The following CEACAM1 variants were observed in gnomAD, a reference collection of about 807,000 sequenced individuals.
CEACAM1 encodes CEA cell adhesion molecule 1, also known as cell adhesion molecule CEACAM1.
CEACAM1 carries 31 observed loss-of-function variants against 49.1 expected under a neutral mutation model. The ratio of observed to expected loss-of-function variants is 0.63; its 90% CI spans 0.47 to 0.85. CEACAM1 has a LOEUF of 0.85. Among genes scored for constraint, CEACAM1 ranks in the 40% least tolerant of loss-of-function variants. The probability of loss-of-function intolerance (pLI) is 0.00; values close to 1 mark genes in which losing one functional copy is unlikely to be tolerated. For missense variants in CEACAM1, 570 were observed against 645.3 expected, an observed-to-expected ratio of 0.88 and a Z score of 1.26; for synonymous variants, 244 against 247.8, an observed-to-expected ratio of 0.98 and a Z score of 0.14.
intron 8 of CEACAM1, among the ~76,000 whole-genome samples, chr19:42,510,250 T>C (rs1407132848): frequency 6.6e-6 from 1 of 152,180 alleles, no homozygotes; most frequent in Non-Finnish European, 1.5e-5. Flanking sequence ...CACAGCTGGC[T>C]AATTTTTTTG....
Position 42,509,045 on chromosome 19 carries a change from C to A in CEACAM1, c.*64G>T. 1.2e-6 allele frequency: 2 copies of A among 1,603,306 alleles called. No homozygotes were observed. The highest frequency in any genetic ancestry group is 1.3e-5 in the African/African-American group (1 of 74,716). ...CTCTACCCCTACAGGGGAAAGGAAT[C>A]TCCTAGTGATGAGGGTGAGAGACTT... is the stretch of plus-strand genomic sequence containing the variant. On this transcript the variant is annotated 3_prime_UTR_variant, in exon 9 of 9. Transcript: ENST00000161559.
intron 5 of CEACAM1, chr19:42,514,951 G>T (rs1034550689): frequency 2.7e-5 from 17 of 634,022 alleles, no homozygotes; most frequent in Non-Finnish European, 4.5e-5. Context: ...TTTGCTGAAG[G>T]TTTATTATTA....
chr19:42,511,049 G>T, intron 7 of CEACAM1, 129 bp from the exon 8 acceptor site: 1 of 826,382 alleles, frequency 1.2e-6, no homozygotes, highest in Non-Finnish European at 2.0e-6. Flanking sequence ...ACTTCCCTCA[G>T]AGTGTATGGT....
At chr19:42,518,848 C>T (rs2041667141) in intron 5 of CEACAM1, 100 bp downstream of exon 5, 1 of 1,349,050 alleles carries the variant, frequency 7.4e-7, no homozygotes, top group Non-Finnish European at 1.1e-6. Flanking sequence ...ATAATGGTCT[C>T]TTCATTGATA....
intron 2 of CEACAM1, among the ~76,000 whole-genome samples, chr19:42,526,457 G>A (rs2041893626): frequency 6.6e-6 from 1 of 152,184 alleles, no homozygotes; most frequent in South Asian, 2.1e-4. Context: ...TGAGACTAAG[G>A]TGAAGGATGA....
rs571558604 is a variant in CEACAM1, at chr19:42,508,379, A to T, written c.*730T>A. 6.6e-6 allele frequency: 1 copy of T among 152,404 alleles called. No homozygotes were observed. Among genetic ancestry groups the T allele is most frequent in the Non-Finnish European group, 1.5e-5 (1 of 68,168 alleles). 9.4% of individuals were successfully genotyped at this position (152,404 alleles called of 1,614,324 possible). On this transcript the variant is annotated 3_prime_UTR_variant, in exon 9 of 9. Coordinates refer to ENST00000161559, the MANE Select transcript of CEACAM1 (RefSeq NM_001712.5). ...TGCCTTGAACAGAGCCCATAAAGAT[A>T]TTAAAACATATATGTGCTTTTGCAT...
intron 7 of CEACAM1, 128 bp from the exon 8 acceptor site, chr19:42,511,048 A>G: frequency 1.2e-6 from 1 of 833,854 alleles, no homozygotes; most frequent in South Asian, 1.4e-5. Context: ...TACTTCCCTC[A>G]GAGTGTATGG....
At chr19:42,527,502 G>GGTGTGTGT in intron 1 of CEACAM1, 102 bp from the exon 2 acceptor site, 1 of 1,033,122 alleles carries the variant, frequency 9.7e-7, no homozygotes, top group Non-Finnish European at 1.4e-6. Flanking sequence ...CCTCCACCTT[G>GGTGTGTGT]GAGTGTGTGT....
At chr19:42,522,717 A>G (rs2041788539) in intron 2 of CEACAM1, among the ~76,000 whole-genome samples, 1 of 152,036 alleles carries the variant, frequency 6.6e-6, no homozygotes, top group Non-Finnish European at 1.5e-5. Context: ...GCATGCCACC[A>G]TGCCCGGCTA....
chr19:42,518,701 C>T, intron 5 of CEACAM1: 3 of 462,300 alleles, frequency 6.5e-6, no homozygotes, highest in Non-Finnish European at 1.2e-5. Context: ...GGGGTTTCAC[C>T]ATATTAGCCA....
intron 5 of CEACAM1, among the ~76,000 whole-genome samples, chr19:42,514,070 C>T (rs2041537423): frequency 6.8e-6 from 1 of 147,676 alleles, no homozygotes; most frequent in Non-Finnish European, 1.5e-5. Context: ...ATCCTCCCAC[C>T]TCAGTCTCCT....
chr19:42,509,478 T>C (rs2041402242), intron 8 of CEACAM1, among the ~76,000 whole-genome samples: 1 of 152,162 alleles, frequency 6.6e-6, no homozygotes, highest in Admixed American at 6.5e-5. Flanking sequence ...ATACATACAA[T>C]ATGGATGAGT....
chr19:42,519,369 C>T, intron 4 of CEACAM1, 134 bp from the exon 5 acceptor site: 1 of 803,384 alleles, frequency 1.2e-6, no homozygotes, highest in Non-Finnish European at 2.0e-6. Context: ...GGTCACCAAC[C>T]AGGGGATAGC....
At chr19:42,521,155 GT>G in intron 4 of CEACAM1, 111 bp downstream of exon 4, 3 of 1,197,194 alleles carry the variant, frequency 2.5e-6, no homozygotes, top group Non-Finnish European at 2.4e-6. Context: ...ATTTGGACTT[GT>G]TTGTGCCTGT....
intron 4 of CEACAM1, 59 bp from the exon 5 acceptor site, chr19:42,519,294 C>G (rs2041681221): frequency 6.5e-7 from 1 of 1,546,838 alleles, no homozygotes; most frequent in Admixed American, 1.7e-5. Flanking sequence ...GGCCTGGGGC[C>G]TAGGGCTATG....
intron 2 of CEACAM1, among the ~76,000 whole-genome samples, chr19:42,523,767 A>C (rs1382366878): frequency 2.6e-5 from 4 of 152,238 alleles, no homozygotes; most frequent in African/African-American, 9.6e-5. Flanking sequence ...AATTAATAAG[A>C]GGAATATTCT....
At chr19:42,514,336 G>A (rs1216010438) in intron 5 of CEACAM1, among the ~76,000 whole-genome samples, 1 of 151,974 alleles carries the variant, frequency 6.6e-6, no homozygotes. Flanking sequence ...TCTCCATCCT[G>A]GTCAGGCTGG....
In CEACAM1 at chr19:42,509,009, T is replaced by C; in HGVS notation, c.*100A>G. The C allele has an allele frequency of 1.4e-6, 2 of 1,462,064 alleles. No individual in the cohort carries two copies. The highest frequency in any genetic ancestry group is 4.5e-4 in the Middle Eastern group (2 of 4,464). 90.6% of individuals were successfully genotyped at this position (1,462,064 alleles called of 1,614,324 possible). A position where few individuals can be genotyped will look rare whatever the true frequency, so the allele number is the denominator to read the frequency against. On this transcript the variant is annotated 3_prime_UTR_variant, in exon 9 of 9. Transcript: ENST00000161559. Reference sequence around the variant, plus strand: ...AGGAAGAGTAGGAGAAAGTTGTTTCTGTCCCCACCCCTCTACCCCTACAGG... The same window carrying C: ...AGGAAGAGTAGGAGAAAGTTGTTTCCGTCCCCACCCCTCTACCCCTACAGG...
At chr19:42,527,629 C>T (rs2041929672) in intron 1 of CEACAM1, 2 of 554,556 alleles carry the variant, frequency 3.6e-6, no homozygotes, top group African/African-American at 3.7e-5. Flanking sequence ...TGCCCTTCCC[C>T]AGGGATCCGC....
Sources: gnomAD v4.1 joint callset for allele counts (sites outside exome capture counted in the v4.1 genomes callset) on GRCh38, gnomAD v4.1.1 for gene constraint, MANE v1.5 for transcripts, NCBI Gene and HGNC (gene_info 2026-07-23, HGNC 2026-07-21) for gene names.